Variants in CNTNAP5 observed in about 807,000 individuals in gnomAD.
CNTNAP5 encodes contactin-associated protein-like 5.
In CNTNAP5, 72 loss-of-function variants were observed where a neutral mutation model predicts 150.2. The observed-to-expected ratio is 0.48, with a 90% CI of 0.40 to 0.58. CNTNAP5 has a LOEUF of 0.58. CNTNAP5 is among the 20% of genes least tolerant of loss of function. CNTNAP5 has a pLI of 0.00. For synonymous variants in CNTNAP5, 672 were observed against 619.8 expected, an observed-to-expected ratio of 1.08 and a Z score of -1.25; for missense variants, 1,636 against 1,626.2, an observed-to-expected ratio of 1.01 and a Z score of -0.10.
At chr2:124,468,484 T>A (rs2104827780) in intron 6 of CNTNAP5, among the ~76,000 whole-genome samples, 1 of 152,032 alleles carries the variant, frequency 6.6e-6, no homozygotes, top group Admixed American at 6.6e-5. Flanking sequence ...TCTGTCTGGT[T>A]TTTCTAGCAG....
chr2:124,310,283 G>A (rs1225199872), intron 3 of CNTNAP5, among the ~76,000 whole-genome samples: 1 of 152,090 alleles, frequency 6.6e-6, no homozygotes, highest in Non-Finnish European at 1.5e-5. Flanking sequence ...GTAGGTGGAA[G>A]TGTGGGCTGT....
intron 13 of CNTNAP5, 118 bp downstream of exon 13, chr2:124,648,076 C>T (rs1465657723): frequency 1.4e-5 from 12 of 842,712 alleles, no homozygotes; most frequent in East Asian, 2.7e-5. Context: ...ACTGTGCACT[C>T]GAGAGAAACA....
At chr2:124,505,908 G>A (rs1381627242) in intron 8 of CNTNAP5, among the ~76,000 whole-genome samples, 12 of 152,296 alleles carry the variant, frequency 7.9e-5, no homozygotes, top group Non-Finnish European at 1.6e-4. Flanking sequence ...TTCACCGCAG[G>A]TCAACATCCA....
chr2:124,912,046 C>T (rs907425909), intron 23 of CNTNAP5, among the ~76,000 whole-genome samples: 1 of 152,062 alleles, frequency 6.6e-6, no homozygotes, highest in Non-Finnish European at 1.5e-5. Context: ...CAGACCTTGT[C>T]TGCTCTGCTG....
At chr2:124,510,491 A>G (rs1482938067) in intron 8 of CNTNAP5, among the ~76,000 whole-genome samples, 2,092 of 115,716 alleles carry the variant, frequency 0.018, 180 homozygotes, top group Admixed American at 0.1. Context: ...ATATATATAT[A>G]TATATATATA....
At chr2:124,169,638 C>A (rs1179683751) in intron 1 of CNTNAP5, among the ~76,000 whole-genome samples, 1 of 152,168 alleles carries the variant, frequency 6.6e-6, no homozygotes, top group African/African-American at 2.4e-5. Flanking sequence ...GATTGAAGAA[C>A]CCTATCCTGT....
intron 6 of CNTNAP5, among the ~76,000 whole-genome samples, chr2:124,472,505 T>C (rs1220696342): frequency 6.6e-6 from 1 of 151,354 alleles, no homozygotes; most frequent in East Asian, 1.9e-4. Flanking sequence ...GACAGTAAAA[T>C]AGGAAATAAA....
At chr2:124,775,628 G>A (rs969118731) in intron 17 of CNTNAP5, among the ~76,000 whole-genome samples, 1 of 152,148 alleles carries the variant, frequency 6.6e-6, no homozygotes, top group Admixed American at 6.5e-5. Flanking sequence ...AATGTGACAG[G>A]TTGAAGTGCT....
intron 22 of CNTNAP5, among the ~76,000 whole-genome samples, chr2:124,907,525 A>C (rs944142368): frequency 1.3e-5 from 2 of 148,354 alleles, no homozygotes; most frequent in Non-Finnish European, 1.5e-5. Flanking sequence ...TATATACATA[A>C]TATATAGATA....
chr2:124,657,922 A>G (rs1453238323), intron 13 of CNTNAP5, among the ~76,000 whole-genome samples: 2 of 152,196 alleles, frequency 1.3e-5, no homozygotes, highest in Non-Finnish European at 2.9e-5. Context: ...AATAGTCTGC[A>G]TTGAAGTTGT....
intron 1 of CNTNAP5, among the ~76,000 whole-genome samples, chr2:124,155,789 G>A (rs183792134): frequency 2.7e-4 from 41 of 152,254 alleles, no homozygotes; most frequent in Middle Eastern, 3.4e-3. Flanking sequence ...GGAATTCATG[G>A]CCTGAAAAAC....
At chr2:124,054,027 C>T (rs555803568) in intron 1 of CNTNAP5, among the ~76,000 whole-genome samples, 50 of 152,274 alleles carry the variant, frequency 3.3e-4, no homozygotes, top group African/African-American at 9.4e-4. Context: ...TTTACTGGAA[C>T]AAAGTGGCAT....
At chr2:124,796,308 T>C (rs1447860885) in intron 18 of CNTNAP5, among the ~76,000 whole-genome samples, 1 of 152,190 alleles carries the variant, frequency 6.6e-6, no homozygotes, top group East Asian at 1.9e-4. Flanking sequence ...GCTCTGAATT[T>C]TACTTCCATT....
At chr2:124,485,612 CAAAAAAA>C (rs576700912) in intron 7 of CNTNAP5, among the ~76,000 whole-genome samples, 2 of 52,396 alleles carry the variant, frequency 3.8e-5, no homozygotes, top group Admixed American at 5.3e-4. Context: ...GACTCTGTCT[CAAAAAAA>C]AAAAAAAAAA....
intron 3 of CNTNAP5, among the ~76,000 whole-genome samples, chr2:124,279,869 C>T (rs1687970589): frequency 6.6e-6 from 1 of 151,996 alleles, no homozygotes; most frequent in Non-Finnish European, 1.5e-5. Flanking sequence ...TTACCTTCAC[C>T]CTCCCCAGTC....
chr2:124,256,219 A>G (rs1047380432), intron 3 of CNTNAP5, among the ~76,000 whole-genome samples: 1 of 152,190 alleles, frequency 6.6e-6, no homozygotes, highest in African/African-American at 2.4e-5. Flanking sequence ...TATATTGTCA[A>G]TGTCTTTCTA....
chr2:124,025,658 C>A lies in CNTNAP5; in HGVS notation c.8C>A (p.Ser3Tyr), dbSNP rs574058083. The A allele has an allele frequency of 1.9e-6, 3 of 1,613,846 alleles. No homozygotes were observed. The highest frequency in any genetic ancestry group is 1.1e-5 in the South Asian group (1 of 91,072). Residue 3 changes from serine to tyrosine, a missense_variant, in exon 1 of 24, where the codon TCT (serine) becomes TAT (tyrosine). By Grantham distance (144) the Ser-to-Tyr change is moderately radical. Coordinates refer to ENST00000682447, the MANE Select transcript of CNTNAP5 (RefSeq NM_001367498.1). Reference protein sequence around the residue: MDSLPRLTSVLTL... With the variant: MDYLPRLTSVLTL... ...ACCGCTCACTCGGGGGAAATGGATT[C>A]TTTACCACGGCTGACCAGCGTTTTG...
intron 12 of CNTNAP5, among the ~76,000 whole-genome samples, chr2:124,620,976 C>T (rs532035255): frequency 5.3e-4 from 81 of 152,230 alleles, no homozygotes; most frequent in African/African-American, 1.8e-3. Flanking sequence ...TGTATAGGCA[C>T]CATGAGATTT....
chr2:124,098,866 C>T (rs889351845), intron 1 of CNTNAP5, among the ~76,000 whole-genome samples: 1 of 152,188 alleles, frequency 6.6e-6, no homozygotes, highest in African/African-American at 2.4e-5. Flanking sequence ...ATATCACCTA[C>T]ATGAGGAAAT....
Sources: gnomAD v4.1 joint callset for allele counts (sites outside exome capture counted in the v4.1 genomes callset) on GRCh38, gnomAD v4.1.1 for gene constraint, MANE v1.5 for transcripts, NCBI Gene and HGNC (gene_info 2026-07-23, HGNC 2026-07-21) for gene names.